The following SDK2 variants were observed in gnomAD, a reference collection of about 807,000 sequenced individuals.
SDK2 encodes sidekick cell adhesion molecule 2.
In SDK2, 105 loss-of-function variants were observed where a neutral mutation model predicts 253.9. The ratio of observed to expected loss-of-function variants is 0.41; its 90% CI spans 0.35 to 0.49. SDK2 has a LOEUF of 0.49. SDK2 is among the 20% of genes least tolerant of loss of function. The pLI, the probability that SDK2 is intolerant of heterozygous loss-of-function variation, is 0.06. For synonymous variants in SDK2, 1,249 were observed against 1,234.9 expected, an observed-to-expected ratio of 1.01 and a Z score of -0.24; for missense variants, 2,608 against 3,003.0, an observed-to-expected ratio of 0.87 and a Z score of 3.07.
intron 31 of SDK2, 109 bp from the exon 32 acceptor site, chr17:73,386,026 C>G: frequency 1.3e-6 from 1 of 763,402 alleles, no homozygotes; most frequent in South Asian, 1.8e-5. Context: ...AGGTCCAGAT[C>G]GCATCGCCCT....
intron 1 of SDK2, among the ~76,000 whole-genome samples, chr17:73,539,742 G>A (rs2044835225): frequency 6.6e-6 from 1 of 152,238 alleles, no homozygotes; most frequent in Non-Finnish European, 1.5e-5. Flanking sequence ...AAGTTAAGAT[G>A]AGGTCACAAA....
At chr17:73,527,328 G>T (rs2064133749) in intron 1 of SDK2, among the ~76,000 whole-genome samples, 1 of 152,230 alleles carries the variant, frequency 6.6e-6, no homozygotes, top group Non-Finnish European at 1.5e-5. Flanking sequence ...GGGGGAAGGG[G>T]TGTGGATGGT....
intron 1 of SDK2, among the ~76,000 whole-genome samples, chr17:73,614,956 A>G (rs1044818762): frequency 2.7e-5 from 4 of 149,274 alleles, no homozygotes; most frequent in African/African-American, 1.0e-4. Flanking sequence ...ACAAACCCGC[A>G]TGTGTGTCCC....
chr17:73,459,987 C>T (rs2063552972), intron 3 of SDK2, among the ~76,000 whole-genome samples: 1 of 152,206 alleles, frequency 6.6e-6, no homozygotes, highest in African/African-American at 2.4e-5. Context: ...TATTTTGCTA[C>T]TATTCACATA....
intron 14 of SDK2, among the ~76,000 whole-genome samples, chr17:73,423,043 TAATA>T (rs1177032259): frequency 4.7e-5 from 5 of 105,304 alleles, no homozygotes; most frequent in East Asian, 4.5e-4. Flanking sequence ...AATAAATAAA[TAATA>T]AATAAATAAA....
intron 6 of SDK2, 48 bp from the exon 7 acceptor site, chr17:73,438,202 A>G: frequency 1.3e-6 from 2 of 1,500,174 alleles, no homozygotes; most frequent in Non-Finnish European, 9.0e-7. Context: ...GGACTCCCAG[A>G]GGCCTGAGAG....
At chr17:73,573,098 C>G (rs9909847) in intron 1 of SDK2, among the ~76,000 whole-genome samples, 53,101 of 151,832 alleles carry the variant, frequency 0.35, 10,142 homozygotes, top group African/African-American at 0.52. Context: ...TGATGACCTG[C>G]TCATATAGGA....
chr17:73,373,198 G>T (rs537174033), intron 36 of SDK2, among the ~76,000 whole-genome samples: 1 of 152,332 alleles, frequency 6.6e-6, no homozygotes, highest in South Asian at 2.1e-4. Context: ...CAAACAGCAG[G>T]ATTTCCTTCA....
rs1416147826 is a variant in SDK2 at position 73,570,012 on chromosome 17, G to A, written c.65-62415C>T. Among the ~76,000 whole-genome samples, 3 of 152,152 alleles carry A rather than the reference G, an allele frequency of 2.0e-5. No homozygotes were observed. Among genetic ancestry groups the A allele is most frequent in the Admixed American group, 6.5e-5 (1 of 15,280 alleles). On this transcript the variant is annotated intron_variant, in intron 1 of 44. Transcript: ENST00000392650. This position sits in a 1 kb window ranked among gnomAD's most constrained non-coding sequence, Gnocchi z 4.2. ...ACACGGGACACTTACTCTGGGTGAA[G>A]GATGAGGAGCAGGACCTCAGCGCTC...
rs547444524 is a variant in SDK2 at position 73,452,035 on chromosome 17, C to G, written c.479+3871G>C. On this transcript the variant is annotated intron_variant, in intron 4 of 44. Coordinates refer to ENST00000392650, the MANE Select transcript of SDK2 (RefSeq NM_001144952.2). ...GGCCCAGCCCTGCCCTCCCTTCCCC[C>G]CACTGCTCCTGTTAATCCAGGCCAT... Among the ~76,000 whole-genome samples the G allele has an allele frequency of 6.7e-4, 102 of 152,252 alleles. 1 individual carries two copies. Among genetic ancestry groups the G allele is most frequent in the South Asian group, 2.9e-3 (14 of 4,826 alleles).
chr17:73,453,270 C>A (rs996739839), intron 4 of SDK2, among the ~76,000 whole-genome samples: 3 of 151,988 alleles, frequency 2.0e-5, no homozygotes, highest in Non-Finnish European at 4.4e-5. Context: ...GAGAGCCCAG[C>A]CAAGACCAGA....
rs113657233 is a variant in SDK2 at position 73,443,444 on chromosome 17, C to T, written c.614-2521G>A. ...TACATGCGGGGGCGCGCAGGTACCA[C>T]GGCTCAGATTAATGGGGCACAAGTA... On this transcript the variant is annotated intron_variant, in intron 5 of 44. Transcript: ENST00000392650. The surrounding 1 kb of genome is among the most constrained non-coding windows in gnomAD (Gnocchi z 4.6). Among the ~76,000 whole-genome samples, 62 of 152,332 alleles carry T rather than the reference C, an allele frequency of 4.1e-4. No individual in the cohort carries two copies. Among genetic ancestry groups the T allele is most frequent in the East Asian group, 2.7e-3 (14 of 5,174 alleles).
intron 36 of SDK2, among the ~76,000 whole-genome samples, chr17:73,375,516 G>A (rs1388974790): frequency 6.6e-6 from 1 of 152,028 alleles, no homozygotes; most frequent in East Asian, 1.9e-4. Flanking sequence ...CAAAGCGCCA[G>A]GATTACAGTT....
chr17:73,466,713 A>ACCCC lies in SDK2; in HGVS notation c.331+5398_331+5399insGGGG, dbSNP rs201159167. 1.1e-3 allele frequency among the ~76,000 whole-genome samples: 88 copies of ACCCC among 81,902 alleles called. 12 individuals carry two copies. The highest frequency in any genetic ancestry group is 1.6e-3 in the African/African-American group (23 of 14,698). The allele number at this position is 81,902 out of a possible 152,430, so 53.7% of individuals were successfully genotyped here. A position where few individuals can be genotyped will look rare whatever the true frequency, so the allele number is the denominator to read the frequency against. On this transcript the variant is annotated intron_variant, in intron 3 of 44. Transcript: ENST00000392650. The stretch of plus-strand genomic sequence containing the variant: ...TGGATCATTTTGGAGGCTCTGGGGA[A>ACCCC]CGCCCCCCCCCCCCGGCTTAGGCTC...
At chr17:73,606,055 G>A (rs912619287) in intron 1 of SDK2, among the ~76,000 whole-genome samples, 1 of 152,168 alleles carries the variant, frequency 6.6e-6, no homozygotes, top group African/African-American at 2.4e-5. Context: ...GTGCTGATGG[G>A]ATCTCACTAG....
At chr17:73,625,517 G>A (rs2046190185) in intron 1 of SDK2, among the ~76,000 whole-genome samples, 1 of 152,234 alleles carries the variant, frequency 6.6e-6, no homozygotes, top group Non-Finnish European at 1.5e-5. Flanking sequence ...GGGTTCTTGG[G>A]CTTGCGACCT....
intron 15 of SDK2, among the ~76,000 whole-genome samples, chr17:73,419,659 C>T (rs555955179): frequency 4.5e-4 from 67 of 149,540 alleles, no homozygotes; most frequent in Non-Finnish European, 8.6e-4. Flanking sequence ...TGCTTGAGGG[C>T]CAGAGTTCAA....
intron 32 of SDK2, 79 bp downstream of exon 32, chr17:73,385,768 G>T: frequency 7.5e-7 from 1 of 1,336,204 alleles, no homozygotes; most frequent in Non-Finnish European, 1.1e-6. Context: ...CGCAGCCCTG[G>T]TGGGGACTGC....
intron 1 of SDK2, chr17:73,513,658 A>G (rs1165582472): frequency 6.6e-6 from 1 of 152,260 alleles, no homozygotes; most frequent in South Asian, 2.1e-4. Context: ...AGAGCCGCTC[A>G]GCTTATAACA....
Sources: gnomAD v4.1 joint callset for allele counts (sites outside exome capture counted in the v4.1 genomes callset) on GRCh38, gnomAD v4.1.1 for gene constraint, Gnocchi (gnomAD v3.1) non-coding constraint, MANE v1.5 for transcripts, NCBI Gene and HGNC (gene_info 2026-07-23, HGNC 2026-07-21) for gene names.